MCCC1: variants seen among roughly 807,000 people sequenced by gnomAD.
The protein encoded by MCCC1 is methylcrotonyl-CoA carboxylase subunit 1.
MCCC1 carries 64 observed loss-of-function variants against 83.8 expected under a neutral mutation model. The observed-to-expected ratio is 0.76, with a 90% CI of 0.62 to 0.94. The LOEUF is 0.94. Ranked by LOEUF, MCCC1 falls within the 40% of genes least tolerant of loss-of-function variation. The pLI, the probability that MCCC1 is intolerant of heterozygous loss-of-function variation, is 0.00. For synonymous variants in MCCC1, 322 were observed against 315.4 expected, an observed-to-expected ratio of 1.02 and a Z score of -0.22; for missense variants, 807 against 904.7, an observed-to-expected ratio of 0.89 and a Z score of 1.39.
intron 5 of MCCC1, among the ~76,000 whole-genome samples, chr3:183,071,644 T>C (rs1161826606): frequency 2.0e-5 from 3 of 152,114 alleles, no homozygotes; most frequent in Non-Finnish European, 4.4e-5. Context: ...CACAGATAAA[T>C]AACTTATGCC....
At chr3:183,039,404 C>T (rs1713887989) in intron 11 of MCCC1, among the ~76,000 whole-genome samples, 1 of 152,182 alleles carries the variant, frequency 6.6e-6, no homozygotes, top group Non-Finnish European at 1.5e-5. Flanking sequence ...CTATCTTCTT[C>T]TGAATCTTCT....
At chr3:183,074,442 G>A (rs1716917462) in intron 4 of MCCC1, among the ~76,000 whole-genome samples, 1 of 152,184 alleles carries the variant, frequency 6.6e-6, no homozygotes, top group African/African-American at 2.4e-5. Context: ...CAGTAGCCCT[G>A]AGGGGATTTG....
intron 14 of MCCC1, among the ~76,000 whole-genome samples, chr3:183,030,606 T>C (rs892271705): frequency 1.3e-5 from 2 of 152,180 alleles, no homozygotes; most frequent in African/African-American, 4.8e-5. Context: ...ATCAGTTGTT[T>C]CAGAAAAATT....
chr3:183,041,128 C>A (rs1714047605), intron 11 of MCCC1, among the ~76,000 whole-genome samples: 1 of 152,238 alleles, frequency 6.6e-6, no homozygotes, highest in South Asian at 2.1e-4. Flanking sequence ...ATATGCTGAA[C>A]TGTGATAGCT....
At chr3:183,031,171 T>C (rs1316573750) in intron 14 of MCCC1, among the ~76,000 whole-genome samples, 1 of 152,142 alleles carries the variant, frequency 6.6e-6, no homozygotes, top group African/African-American at 2.4e-5. Context: ...AAATTACTAA[T>C]CTCTCTGAGC....
chr3:183,100,000 TAAAG>T (rs1719059563), upstream of MCCC1, among the ~76,000 whole-genome samples: 2 of 151,876 alleles, frequency 1.3e-5, no homozygotes, highest in Admixed American at 6.6e-5. Flanking sequence ...ATCTAGAGAA[TAAAG>T]AAACTGTAAA....
intron 4 of MCCC1, among the ~76,000 whole-genome samples, chr3:183,076,765 C>T (rs927303734): frequency 1.3e-5 from 2 of 152,098 alleles, no homozygotes; most frequent in African/African-American, 2.4e-5. Flanking sequence ...ATAAACTCGG[C>T]CAACCCAATG....
chr3:183,082,985 G>A (rs542826841), intron 4 of MCCC1, among the ~76,000 whole-genome samples: 4 of 150,830 alleles, frequency 2.7e-5, no homozygotes, highest in Non-Finnish European at 4.4e-5. Context: ...GTGAGACAAC[G>A]TCTTAAAAAA....
At chr3:183,078,379 A>C (rs772260202) in intron 4 of MCCC1, among the ~76,000 whole-genome samples, 4 of 152,186 alleles carry the variant, frequency 2.6e-5, no homozygotes, top group African/African-American at 4.8e-5. Flanking sequence ...CTTTTCAAAA[A>C]TTGTTTTAGG....
intron 16 of MCCC1, among the ~76,000 whole-genome samples, chr3:183,021,483 G>T (rs936779582): frequency 1.3e-5 from 2 of 152,176 alleles, no homozygotes; most frequent in Non-Finnish European, 2.9e-5. Context: ...GCCTCCCAAA[G>T]TGTTGGGACT....
At chr3:183,104,365 G>A (rs1247798385), upstream of MCCC1, among the ~76,000 whole-genome samples, 1 of 152,074 alleles carries the variant, frequency 6.6e-6, no homozygotes. Flanking sequence ...TGATCTACCC[G>A]CCTTGGCCTC....
At position 183,037,248 on chromosome 3, in the gene MCCC1, T is replaced by C. The variant is rs370594429; in HGVS notation, c.1564A>G (p.Met522Val). The C allele has an allele frequency of 2.5e-6, 4 of 1,613,840 alleles. No individual in the cohort carries two copies. The African/African-American group carries it at 4.0e-5, about 16-fold the overall frequency. The change falls in exon 13 of 19, where the codon ATG (methionine) becomes GTG (valine). Residue 522 changes from methionine (M) to valine (V), a missense_variant. Met to Val is a conservative substitution (Grantham distance 21). Transcript: ENST00000265594. ...ALGLILKEKA[M>V]TDTFTLQAHD... ...GCCTGAAGAGTGAAAGTGTCGGTCATGGCTTTCTCCTTGAGGATGAGACCC... is the reference window on the plus strand; with the variant it reads ...GCCTGAAGAGTGAAAGTGTCGGTCACGGCTTTCTCCTTGAGGATGAGACCC...
chr3:183,101,334 G>A (rs1719281196), upstream of MCCC1, among the ~76,000 whole-genome samples: 1 of 152,266 alleles, frequency 6.6e-6, no homozygotes, highest in Non-Finnish European at 1.5e-5. Flanking sequence ...CCCCGGTGCG[G>A]GATCCACTAG....
At chr3:183,061,774 C>T (rs756843767) in intron 7 of MCCC1, among the ~76,000 whole-genome samples, 3 of 152,210 alleles carry the variant, frequency 2.0e-5, no homozygotes, top group Non-Finnish European at 4.4e-5. Context: ...TTGGATATGA[C>T]TGATAACTTT....
upstream of MCCC1, among the ~76,000 whole-genome samples, chr3:183,102,348 G>C (rs971854475): frequency 1.3e-5 from 2 of 152,100 alleles, no homozygotes; most frequent in Non-Finnish European, 2.9e-5. Context: ...GGGTAACAGA[G>C]TGAGAGAATG....
chr3:183,047,678 A>G (rs1205336866), intron 9 of MCCC1, among the ~76,000 whole-genome samples: 1 of 151,894 alleles, frequency 6.6e-6, no homozygotes, highest in Non-Finnish European at 1.5e-5. Flanking sequence ...AAAAAAAACC[A>G]TAACCCTAAT....
chr3:183,095,084 C>A (rs186369625), intron 1 of MCCC1, among the ~76,000 whole-genome samples: 156 of 152,206 alleles, frequency 1.0e-3, no homozygotes, highest in African/African-American at 3.5e-3. Context: ...GAGATTGAGG[C>A]CATCCTGGCT....
chr3:183,031,951 G>A (rs1713118104), intron 14 of MCCC1, among the ~76,000 whole-genome samples: 1 of 151,960 alleles, frequency 6.6e-6, no homozygotes, highest in Non-Finnish European at 1.5e-5. Context: ...TTACAGGTGT[G>A]AGCCACTGTG....
chr3:183,051,328 A>C (rs900599398), intron 9 of MCCC1, among the ~76,000 whole-genome samples: 3 of 152,184 alleles, frequency 2.0e-5, no homozygotes, highest in African/African-American at 7.2e-5. Flanking sequence ...AGACAACGAA[A>C]TATTATTCAG....
Sources: gnomAD v4.1 joint callset for allele counts (sites outside exome capture counted in the v4.1 genomes callset) on GRCh38, gnomAD v4.1.1 for gene constraint, MANE v1.5 for transcripts, NCBI Gene and HGNC (gene_info 2026-07-23, HGNC 2026-07-21) for gene names.